CCDC14: variants seen among roughly 807,000 people sequenced by gnomAD.
CCDC14 encodes the protein coiled-coil domain-containing protein 14.
Under a neutral mutation model 81.4 loss-of-function variants are expected in CCDC14, and 71 were observed. The observed-to-expected ratio is 0.87, with a 90% confidence interval of 0.72 to 1.06. CCDC14 has a LOEUF of 1.06. Ranked by LOEUF, CCDC14 falls within the 50% of genes least tolerant of loss-of-function variation. The pLI, the probability that CCDC14 is intolerant of heterozygous loss-of-function variation, is 0.00. For missense variants in CCDC14, 1,046 were observed against 1,047.3 expected (o/e 1.00, Z 0.02); for synonymous variants, 332 against 364.8 (o/e 0.91, Z 1.03).
downstream of CCDC14, among the ~76,000 whole-genome samples, chr3:123,895,449 T>C (rs987755631): frequency 2.6e-5 from 4 of 152,172 alleles, no homozygotes; most frequent in Non-Finnish European, 4.4e-5. Context: ...CAGATCAGCA[T>C]TGGTGGGCTG....
At position 123,905,510 on chromosome 3, in the gene CCDC14, T is replaced by C. The variant is rs189408141; in HGVS notation, c.668-7897A>G. ...TGAGCAGGCCTAATCCCTGTCCCAATCCTATGGGAGGAAGCTCTTGAAAAA... is the reference window on the plus strand; with the variant it reads ...TGAGCAGGCCTAATCCCTGTCCCAACCCTATGGGAGGAAGCTCTTGAAAAA... On this transcript the variant is annotated intron_variant, in intron 5 of 5. Coordinates refer to the CCDC14 transcript ENST00000479903. Among the ~76,000 whole-genome samples, 3 of 151,816 alleles carry C rather than the reference T, an allele frequency of 2.0e-5. No individual in the cohort carries two copies. The East Asian group carries it at 5.8e-4, about 29-fold the overall frequency.
At chr3:123,943,048 A>G (rs2036435211) in intron 9 of CCDC14, among the ~76,000 whole-genome samples, 1 of 151,746 alleles carries the variant, frequency 6.6e-6, no homozygotes, top group African/African-American at 2.4e-5. Flanking sequence ...ATTATTTTAT[A>G]TATTTTTATA....
downstream of CCDC14, among the ~76,000 whole-genome samples, chr3:123,909,703 CAT>C (rs1465741632): frequency 4.6e-5 from 7 of 152,154 alleles, no homozygotes; most frequent in African/African-American, 9.7e-5. Flanking sequence ...AACATTTTCA[CAT>C]GTGATTTTAT....
At chr3:123,908,598 C>T (rs1380206610), downstream of CCDC14, among the ~76,000 whole-genome samples, 1 of 152,002 alleles carries the variant, frequency 6.6e-6, no homozygotes, top group African/African-American at 2.4e-5. Context: ...AAATTTTGGC[C>T]AAAGATATAA....
At chr3:123,896,802 GTTATC>G (rs1324272630), downstream of CCDC14, among the ~76,000 whole-genome samples, 1 of 152,064 alleles carries the variant, frequency 6.6e-6, no homozygotes, top group Non-Finnish European at 1.5e-5. Context: ...TTTAAATCCT[GTTATC>G]TTATGTATTA....
At chr3:123,925,346 G>C (rs1231828823) in intron 12 of CCDC14, among the ~76,000 whole-genome samples, 2 of 152,106 alleles carry the variant, frequency 1.3e-5, no homozygotes, top group Non-Finnish European at 2.9e-5. Context: ...TGTAAGGTAG[G>C]GTATGGGAAA....
In CCDC14 at chr3:123,961,195, C is replaced by A; in HGVS notation, c.-22G>T. On this transcript the variant is annotated 5_prime_UTR_variant, in exon 1 of 13. Transcript: ENST00000409697. ...CCATCTCTCGCCGCCTCAGAGAAGC[C>A]CAGACCGAGGGAAGTGAAGCCTCAC... 1.3e-6 allele frequency: 2 copies of A among 1,551,634 alleles called. No individual in the cohort carries two copies. The highest frequency in any genetic ancestry group is 1.7e-6 in the Non-Finnish European group (2 of 1,146,996).
chr3:123,903,133 G>C (rs544386155), intron 5 of CCDC14, among the ~76,000 whole-genome samples: 5 of 152,194 alleles, frequency 3.3e-5, no homozygotes, highest in African/African-American at 1.2e-4. Context: ...GAGATAATAA[G>C]GCATCAGGAA....
intron 10 of CCDC14, among the ~76,000 whole-genome samples, 172 bp from the exon 11 acceptor site, chr3:123,931,698 T>C (rs1577268620): frequency 1.3e-5 from 2 of 152,170 alleles, no homozygotes; most frequent in South Asian, 2.1e-4. Flanking sequence ...TTAAAAATGA[T>C]TGGCAGAAGT....
In CCDC14 at chr3:123,959,969, G is replaced by T. The variant is rs900475634; in HGVS notation, c.30+1175C>A. 3.9e-5 allele frequency among the ~76,000 whole-genome samples: 6 copies of T among 151,900 alleles called. No homozygotes were observed. In the East Asian group the frequency reaches 1.2e-3, roughly 29 times the overall value. Reference sequence around the variant, plus strand: ...TTTCACAATTAAAAAAACAAACCTGGAATAAGCCTTTCTATCTACTGAAAA... The same window carrying T: ...TTTCACAATTAAAAAAACAAACCTGTAATAAGCCTTTCTATCTACTGAAAA... On this transcript the variant is annotated intron_variant, in intron 1 of 12. Coordinates refer to ENST00000409697, the MANE Select transcript of CCDC14 (RefSeq NM_001366335.1).
chr3:123,955,667 T>C, intron 5 of CCDC14, 176 bp downstream of exon 5: 2 of 447,308 alleles, frequency 4.5e-6, no homozygotes, highest in East Asian at 3.7e-5. Flanking sequence ...GAGAAAATGA[T>C]AGCAAGCAAA....
At chr3:123,911,585 TTTC>T (rs894270173), downstream of CCDC14, among the ~76,000 whole-genome samples, 3 of 152,220 alleles carry the variant, frequency 2.0e-5, no homozygotes, top group African/African-American at 7.2e-5. Flanking sequence ...CTGCTTTATT[TTTC>T]TTCACAGAAC....
intron 5 of CCDC14, among the ~76,000 whole-genome samples, chr3:123,899,694 C>T (rs978755117): frequency 2.0e-5 from 3 of 152,210 alleles, no homozygotes; most frequent in Non-Finnish European, 4.4e-5. Context: ...GGCTTCCTGT[C>T]ATCAGTCTTG....
chr3:123,919,786 G>A (rs1278130371), intron 12 of CCDC14, among the ~76,000 whole-genome samples: 1 of 152,166 alleles, frequency 6.6e-6, no homozygotes, highest in Non-Finnish European at 1.5e-5. Context: ...GTGAGAGGTG[G>A]GGTAGGGCAT....
chr3:123,955,726 C>A, intron 5 of CCDC14, 117 bp downstream of exon 5: 1 of 922,064 alleles, frequency 1.1e-6, no homozygotes, highest in Non-Finnish European at 1.5e-6. Flanking sequence ...CATAAGCACA[C>A]ATAAACCTAA....
At position 123,948,635 on chromosome 3, in the gene CCDC14, C is replaced by T. The variant is rs149820338; in HGVS notation, c.684+56G>A. 10,220 of 1,256,406 alleles carry T rather than the reference C, an allele frequency of 8.1e-3. 66 individuals carry two copies. The highest frequency in any genetic ancestry group is 0.02 in the Middle Eastern group (103 of 5,168). The allele number at this position is 1,256,406 out of a possible 1,614,324, so 77.8% of individuals were successfully genotyped here. On this transcript the variant is annotated intron_variant, in intron 7 of 12. Transcript: ENST00000409697. Reference sequence around the variant, plus strand: ...ATAAGCAATAAATTCAACAGTCCCTCCTGAATGACTGCTATAAGCAAATAG... The same window carrying T: ...ATAAGCAATAAATTCAACAGTCCCTTCTGAATGACTGCTATAAGCAAATAG...
the CCDC14 span, among the ~76,000 whole-genome samples, chr3:123,887,483 A>C: frequency 4.2e-3 from 132 of 31,720 alleles, no homozygotes; most frequent in Non-Finnish European, 7.2e-3. Flanking sequence ...ACAACAACAA[A>C]AAAAAAAAAC....
In CCDC14 at chr3:123,950,022, G is replaced by A. The variant is rs562473180; in HGVS notation, c.353-890C>T. On this transcript the variant is annotated intron_variant, in intron 5 of 12. Coordinates refer to ENST00000409697, the MANE Select transcript of CCDC14 (RefSeq NM_001366335.1). ...TTAGTCTATGAACAAGGTAGAAATC[G>A]GTATTAACAAAGTAATAAGTAAAAA... Among the ~76,000 whole-genome samples the A allele has an allele frequency of 1.0e-3, 155 of 152,108 alleles. 1 individual carries two copies. Among genetic ancestry groups the A allele is most frequent in the African/African-American group, 3.5e-3 (146 of 41,478 alleles).
intron 9 of CCDC14, among the ~76,000 whole-genome samples, chr3:123,938,981 T>C (rs2036203931): frequency 1.3e-5 from 2 of 151,964 alleles, no homozygotes; most frequent in East Asian, 1.9e-4. Context: ...ACGGTTGTCT[T>C]AGTTTTATGT....
Sources: allele counts gnomAD v4.1 joint callset (sites outside exome capture counted in the v4.1 genomes callset), GRCh38; gene constraint gnomAD v4.1.1; transcripts MANE v1.5; gene names NCBI Gene and HGNC (gene_info 2026-07-23, HGNC 2026-07-21).